Variants in MPP7 observed in about 807,000 individuals in gnomAD.
MPP7 encodes MAGUK p55 subfamily member 7.
In MPP7, 60 loss-of-function variants were observed where a neutral mutation model predicts 76.5. The observed-to-expected ratio is 0.78, with a 90% CI of 0.64 to 0.97. The LOEUF (loss-of-function observed/expected upper bound fraction) is 0.97, where lower values mean the gene tolerates loss of function less well. Among genes scored for constraint, MPP7 ranks in the 50% least tolerant of loss-of-function variants. The pLI is 0.00. For synonymous variants in MPP7, 237 were observed against 244.5 expected (o/e 0.97, Z 0.29); for missense variants, 641 against 694.0 (o/e 0.92, Z 0.86).
At chr10:28,120,050 C>T in intron 10 of MPP7, 144 bp downstream of exon 10, 2 of 866,382 alleles carry the variant, frequency 2.3e-6, no homozygotes, top group Non-Finnish European at 3.5e-6. Context: ...CTTAGTTAGA[C>T]AAAACAGAAA....
intron 2 of MPP7, among the ~76,000 whole-genome samples, chr10:28,227,330 A>G (rs73608074): frequency 0.17 from 26,388 of 152,154 alleles, 2,591 homozygotes; most frequent in African/African-American, 0.26. Context: ...TTTCAGTTCC[A>G]GGATACATGT....
chr10:28,238,234 T>A (rs1004951486), intron 2 of MPP7, among the ~76,000 whole-genome samples: 3 of 152,090 alleles, frequency 2.0e-5, no homozygotes, highest in African/African-American at 7.2e-5. Flanking sequence ...TATACATGAA[T>A]GAAGGATAAT....
At chr10:28,321,644 G>A (rs977764397) in intron 2 of MPP7, among the ~76,000 whole-genome samples, 5 of 152,076 alleles carry the variant, frequency 3.3e-5, no homozygotes, top group Admixed American at 2.0e-4. Flanking sequence ...GAGTGCAGTG[G>A]TGCGATCTCA....
chr10:28,239,395 C>T (rs1207056735), intron 1 of MPP7, among the ~76,000 whole-genome samples: 1 of 151,948 alleles, frequency 6.6e-6, no homozygotes, highest in East Asian at 1.9e-4. Flanking sequence ...CATATGCCCG[C>T]CTTGGCCTCT....
chr10:28,244,854 C>T (rs79829612), intron 1 of MPP7, among the ~76,000 whole-genome samples: 9,139 of 152,194 alleles, frequency 0.06, 417 homozygotes, highest in African/African-American at 0.12. Context: ...ACCGCCCCTT[C>T]TCTGCAAGCA....
At chr10:28,080,705 A>G (rs564509110) in intron 12 of MPP7, among the ~76,000 whole-genome samples, 1 of 152,338 alleles carries the variant, frequency 6.6e-6, no homozygotes, top group Non-Finnish European at 1.5e-5. Flanking sequence ...ATAAATATTT[A>G]AGATTGGCCA....
intron 2 of MPP7, among the ~76,000 whole-genome samples, chr10:28,210,976 G>A (rs1450333898): frequency 6.6e-6 from 1 of 152,088 alleles, no homozygotes; most frequent in African/African-American, 2.4e-5. Flanking sequence ...CTTACTTTTT[G>A]TTAAAGATAA....
At chr10:28,299,489 A>G (rs76310055) in intron 1 of MPP7, among the ~76,000 whole-genome samples, 2 of 152,174 alleles carry the variant, frequency 1.3e-5, no homozygotes, top group Non-Finnish European at 2.9e-5. Flanking sequence ...CGTAACATCA[A>G]AGATCACTGA....
At chr10:28,220,249 T>C (rs1415347611) in intron 2 of MPP7, among the ~76,000 whole-genome samples, 1 of 152,120 alleles carries the variant, frequency 6.6e-6, no homozygotes, top group African/African-American at 2.4e-5. Flanking sequence ...CTGCACAAAG[T>C]ATTCTCTACT....
intron 2 of MPP7, among the ~76,000 whole-genome samples, chr10:28,209,388 G>A (rs780262717): frequency 5.3e-5 from 8 of 151,358 alleles, no homozygotes; most frequent in South Asian, 2.1e-4. Context: ...AGGATCCTTT[G>A]AGCCCAGGAG....
intron 2 of MPP7, among the ~76,000 whole-genome samples, chr10:28,320,889 C>G (rs1321099447): frequency 6.6e-6 from 1 of 151,744 alleles, no homozygotes; most frequent in African/African-American, 2.4e-5. Flanking sequence ...GGTAATAGCC[C>G]CTGACGAGGT....
At chr10:28,120,566 C>T (rs370666125) in intron 9 of MPP7, 28 bp downstream of exon 9, 51 of 1,599,782 alleles carry the variant, frequency 3.2e-5, no homozygotes, top group East Asian at 1.1e-4. Flanking sequence ...CTCCCACGCA[C>T]GAAGAAATGT....
At chr10:28,245,598 T>C (rs1009867985) in intron 1 of MPP7, among the ~76,000 whole-genome samples, 1 of 151,824 alleles carries the variant, frequency 6.6e-6, no homozygotes, top group Non-Finnish European at 1.5e-5. Flanking sequence ...TTAAATGAAA[T>C]AACAAAAGTA....
At chr10:28,056,959 C>T (rs956050983) in intron 15 of MPP7, among the ~76,000 whole-genome samples, 1 of 152,120 alleles carries the variant, frequency 6.6e-6, no homozygotes, top group African/African-American at 2.4e-5. Context: ...TCCAACCATC[C>T]CTTTTAAGCC....
intron 5 of MPP7, among the ~76,000 whole-genome samples, chr10:28,142,646 G>T (rs566960853): frequency 6.6e-6 from 1 of 152,162 alleles, no homozygotes; most frequent in Non-Finnish European, 1.5e-5. Context: ...CAGGAGAATC[G>T]CTTAAACTTG....
At chr10:28,092,410 C>A (rs1853349590) in intron 11 of MPP7, among the ~76,000 whole-genome samples, 2 of 152,138 alleles carry the variant, frequency 1.3e-5, no homozygotes. Context: ...AAGGTAAATA[C>A]ATCCCTCTGG....
At chr10:28,089,626 A>T in intron 12 of MPP7, 45 bp downstream of exon 12, 1 of 1,556,738 alleles carries the variant, frequency 6.4e-7, no homozygotes, top group Non-Finnish European at 8.8e-7. Flanking sequence ...AATTCTTACT[A>T]GCTCACTCAT....
intron 3 of MPP7, among the ~76,000 whole-genome samples, chr10:28,200,337 AAACT>A (rs1336064333): frequency 2.3e-4 from 35 of 152,338 alleles, no homozygotes; most frequent in Admixed American, 9.1e-4. Flanking sequence ...GTACGTAATA[AAACT>A]AATTTTGAAA....
At chr10:28,253,481 G>C (rs527623348) in intron 1 of MPP7, among the ~76,000 whole-genome samples, 1 of 152,298 alleles carries the variant, frequency 6.6e-6, no homozygotes, top group East Asian at 1.9e-4. Flanking sequence ...TAATCAGAAA[G>C]AGGAAAAATA....
Sources: gnomAD v4.1 joint callset for allele counts (sites outside exome capture counted in the v4.1 genomes callset) on GRCh38, gnomAD v4.1.1 for gene constraint, MANE v1.5 for transcripts, NCBI Gene and HGNC (gene_info 2026-07-23, HGNC 2026-07-21) for gene names.